Variants in CUX1 observed in about 807,000 individuals in gnomAD.
CUX1 encodes the protein cut like homeobox 1, also known as protein CASP.
A neutral mutation model predicts 158.8 loss-of-function variants in CUX1; 31 were observed. The observed-to-expected ratio is 0.20, with a 90% CI of 0.15 to 0.26. The LOEUF (loss-of-function observed/expected upper bound fraction) is 0.26. CUX1 is among the 10% of genes least tolerant of loss of function. The pLI is 1.00. For missense variants in CUX1, 1,589 were observed against 2,014.6 expected (o/e 0.79, Z 4.04); for synonymous variants, 879 against 862.1 (o/e 1.02, Z -0.34).
intron 2 of CUX1, among the ~76,000 whole-genome samples, chr7:101,947,712 TA>T (rs1445693760): frequency 6.6e-6 from 1 of 152,186 alleles, no homozygotes; most frequent in African/African-American, 2.4e-5. Flanking sequence ...CAGAATCACA[TA>T]TTTTGATTCC....
chr7:101,958,607 A>G (rs1337485229), intron 2 of CUX1, among the ~76,000 whole-genome samples: 1 of 150,478 alleles, frequency 6.6e-6, no homozygotes, highest in African/African-American at 2.4e-5. Context: ...CGGCCCCTCA[A>G]GTAGCTGAGA....
chr7:101,817,227 T>G (rs932596785), upstream of CUX1: 25 of 983,944 alleles, frequency 2.5e-5, no homozygotes, highest in Admixed American at 1.4e-3. The surrounding 1 kb of genome is among the most constrained non-coding windows in gnomAD (Gnocchi z 4.1). Context: ...CCGCCGCCGG[T>G]CCGAGCCGCG....
intron 1 of CUX1, among the ~76,000 whole-genome samples, chr7:101,863,634 A>C (rs144543947): frequency 0.026 from 4,034 of 152,320 alleles, 77 homozygotes; most frequent in Non-Finnish European, 0.036. Context: ...TACAGGTGTG[A>C]GCCACTGCGC....
Position 102,253,931 on chromosome 7 carries a change from T to G in CUX1, c.*4889T>G. 1.0e-6 allele frequency: 1 copy of G among 985,650 alleles called. No individual in the cohort carries two copies. Among genetic ancestry groups the G allele is most frequent in the Non-Finnish European group, 1.2e-6 (1 of 830,088 alleles). The allele number at this position is 985,650 out of a possible 1,614,324, so 61.1% of individuals were successfully genotyped here. A position where few individuals can be genotyped will look rare whatever the true frequency, so the allele number is the denominator to read the frequency against. ...TCTTCACACTCCTCATTGTCCCTTC[T>G]ACCTCACTAACCTGTCTTCTCCATC... is the stretch of plus-strand genomic sequence containing the variant. On this transcript the variant is annotated 3_prime_UTR_variant, in exon 24 of 24. Coordinates refer to ENST00000292535, the MANE Select transcript of CUX1 (RefSeq NM_181552.4).
chr7:101,908,295 A>G (rs1802986144), intron 1 of CUX1, among the ~76,000 whole-genome samples: 1 of 152,166 alleles, frequency 6.6e-6, no homozygotes, highest in East Asian at 1.9e-4. Context: ...TCCCGCATGC[A>G]CCACCATGCC....
chr7:102,119,540 GTTC>G (rs1487865706), intron 8 of CUX1, among the ~76,000 whole-genome samples: 4 of 152,224 alleles, frequency 2.6e-5, no homozygotes, highest in Admixed American at 6.5e-5. Context: ...AGGTAAAAGT[GTTC>G]TTCTTCATGT....
chr7:101,956,194 C>T (rs1433604931), intron 2 of CUX1, among the ~76,000 whole-genome samples: 1 of 148,640 alleles, frequency 6.7e-6, no homozygotes, highest in Admixed American at 6.7e-5. Context: ...AAACATTCAG[C>T]GTGGCCGGCT....
chr7:102,042,382 C>T (rs1822217991), intron 3 of CUX1, among the ~76,000 whole-genome samples: 1 of 152,146 alleles, frequency 6.6e-6, no homozygotes, highest in South Asian at 2.1e-4. Flanking sequence ...GGGCTCGGTT[C>T]CCTGAAAGAG....
chr7:102,070,769 G>A (rs1188664828), intron 4 of CUX1, among the ~76,000 whole-genome samples: 1 of 152,084 alleles, frequency 6.6e-6, no homozygotes, highest in Admixed American at 6.6e-5. Context: ...ATTGCCCAAA[G>A]CCACCTTTAA....
chr7:101,855,755 G>A (rs1395776005), intron 1 of CUX1, among the ~76,000 whole-genome samples: 1 of 151,804 alleles, frequency 6.6e-6, no homozygotes, highest in Non-Finnish European at 1.5e-5. Flanking sequence ...GCAGACGCCT[G>A]TAATCCCAGC....
downstream of CUX1, among the ~76,000 whole-genome samples, chr7:102,258,714 G>T (rs535244745): frequency 1.3e-5 from 2 of 152,322 alleles, no homozygotes; most frequent in Middle Eastern, 3.4e-3. Flanking sequence ...CTCCTCTGCC[G>T]TGTGGCCTGC....
chr7:102,117,571 G>A (rs1358224508), intron 8 of CUX1, among the ~76,000 whole-genome samples: 7 of 152,092 alleles, frequency 4.6e-5, no homozygotes, highest in Non-Finnish European at 1.0e-4. Flanking sequence ...GCCTTGGGGA[G>A]GGAAGAGGGA....
At chr7:102,052,438 C>G (rs1442464126) in intron 3 of CUX1, among the ~76,000 whole-genome samples, 1 of 152,170 alleles carries the variant, frequency 6.6e-6, no homozygotes, top group Non-Finnish European at 1.5e-5. Flanking sequence ...CGATATTCAT[C>G]TATGCTGTAG....
At chr7:101,818,300 C>T (rs754623987) in intron 1 of CUX1, among the ~76,000 whole-genome samples, 2 of 152,158 alleles carry the variant, frequency 1.3e-5, no homozygotes, top group Non-Finnish European at 2.9e-5. Context: ...AATTTAATTC[C>T]TGTGCTTACT....
chr7:101,860,755 T>A (rs1443052142), intron 1 of CUX1, among the ~76,000 whole-genome samples: 1 of 143,070 alleles, frequency 7.0e-6, no homozygotes, highest in Non-Finnish European at 1.5e-5. Flanking sequence ...CTTCCTTCCT[T>A]CCTTCCTTCC....
intron 2 of CUX1, among the ~76,000 whole-genome samples, chr7:101,942,757 G>A (rs1209176844): frequency 6.6e-6 from 1 of 152,204 alleles, no homozygotes; most frequent in African/African-American, 2.4e-5. Context: ...GTGAGCCACC[G>A]CAGGCCTCCC....
chr7:102,220,651 A>T (rs1797713205), intron 20 of CUX1, among the ~76,000 whole-genome samples: 4 of 152,146 alleles, frequency 2.6e-5, no homozygotes, highest in Non-Finnish European at 5.9e-5. Flanking sequence ...CAGCCCCGGC[A>T]TGCCCACACC....
intron 8 of CUX1, among the ~76,000 whole-genome samples, chr7:102,142,277 A>G (rs781841544): frequency 5.3e-5 from 8 of 152,194 alleles, no homozygotes; most frequent in African/African-American, 7.2e-5. Context: ...TCACAGGTGA[A>G]GTAAACCAGG....
intron 22 of CUX1, among the ~76,000 whole-genome samples, chr7:102,235,579 G>A (rs550100781): frequency 5.3e-5 from 8 of 152,072 alleles, no homozygotes; most frequent in South Asian, 4.1e-4. Context: ...GCGCACGCCC[G>A]TAATCCCAGC....
Sources: allele counts gnomAD v4.1 joint callset (sites outside exome capture counted in the v4.1 genomes callset), GRCh38; gene constraint gnomAD v4.1.1; non-coding constraint Gnocchi (gnomAD v3.1); transcripts MANE v1.5; gene names NCBI Gene and HGNC (gene_info 2026-07-23, HGNC 2026-07-21).